The following CSMD1 variants were observed in gnomAD, a reference collection of about 807,000 sequenced individuals.
CSMD1 encodes the protein CUB and Sushi multiple domains 1.
Under a neutral mutation model 417.5 loss-of-function variants are expected in CSMD1, and 213 were observed. The observed-to-expected ratio is 0.51, with a 90% CI of 0.46 to 0.57. The LOEUF is 0.57. CSMD1 is among the 20% of genes least tolerant of loss of function. The pLI is 0.00. For missense variants in CSMD1, 6,923 were observed against 4,529.7 expected (o/e 1.53, Z -15.17); for synonymous variants, 2,862 against 1,736.8 (o/e 1.65, Z -16.11).
At chr8:4,204,830 TA>T (rs1235754422) in intron 3 of CSMD1, among the ~76,000 whole-genome samples, 3 of 135,988 alleles carry the variant, frequency 2.2e-5, no homozygotes, top group Admixed American at 2.2e-4. Flanking sequence ...AACTTTTATT[TA>T]ATTTTTTTTT....
At chr8:4,374,941 T>C (rs1802629957) in intron 3 of CSMD1, among the ~76,000 whole-genome samples, 1 of 89,340 alleles carries the variant, frequency 1.1e-5, no homozygotes, top group Non-Finnish European at 1.9e-5. Context: ...AAAACAATGA[T>C]TAAACAGACA....
chr8:3,998,121 AAAAGCAGAAAG>A lies in CSMD1; in HGVS notation c.611-22_611-12del, dbSNP rs1376936188. 1.3e-6 allele frequency: 2 copies of A among 1,550,078 alleles called. No homozygotes were observed. Among genetic ancestry groups the A allele is most frequent in the Admixed American group, 1.9e-5 (1 of 51,422 alleles). ...CGCAGGCTCCCTCAGCTGCAGGGGC[AAAAGCAGAAAG>A]AAAGCATCACATTTCAGGATGGTTT... is the stretch of plus-strand genomic sequence containing the variant. On this transcript the variant is annotated splice_polypyrimidine_tract_variant and intron_variant, in intron 4 of 69. Coordinates refer to ENST00000635120, the MANE Select transcript of CSMD1 (RefSeq NM_033225.6).
chr8:4,709,210 G>A (rs558703370), intron 1 of CSMD1, among the ~76,000 whole-genome samples: 4 of 152,276 alleles, frequency 2.6e-5, no homozygotes, highest in African/African-American at 7.2e-5. Context: ...GGAATTCCTC[G>A]ATGGTAGAAG....
At chr8:4,811,158 C>G (rs541029198) in intron 1 of CSMD1, among the ~76,000 whole-genome samples, 1 of 152,146 alleles carries the variant, frequency 6.6e-6, no homozygotes, top group Non-Finnish European at 1.5e-5. Context: ...GCTGTAGTGG[C>G]ATCAACCATC....
chr8:4,962,184 TCTG>T lies in CSMD1; in HGVS notation c.85+32145_85+32147del, dbSNP rs1271439737. ...CAAAACAATAATATAAATGTAAATT[TCTG>T]CTTTTTTTTTAAAAAAAAAAGAAAA... On this transcript the variant is annotated intron_variant, in intron 1 of 69. Coordinates refer to ENST00000635120, the MANE Select transcript of CSMD1 (RefSeq NM_033225.6). Among the ~76,000 whole-genome samples the T allele has an allele frequency of 5.5e-5, 7 of 128,074 alleles. No individual in the cohort carries two copies. The East Asian group carries it at 1.3e-3, about 23-fold the overall frequency. The allele number at this position is 128,074 out of a possible 152,430, so 84.0% of individuals were successfully genotyped here.
chr8:4,685,384 G>A (rs1806304119), intron 1 of CSMD1, among the ~76,000 whole-genome samples: 1 of 152,054 alleles, frequency 6.6e-6, no homozygotes. Flanking sequence ...GACCAGCCTG[G>A]CCAACATGGC....
At chr8:3,504,439 G>A (rs1041660635) in intron 10 of CSMD1, among the ~76,000 whole-genome samples, 6 of 152,254 alleles carry the variant, frequency 3.9e-5, no homozygotes, top group African/African-American at 1.4e-4. Flanking sequence ...CAAGCAAGGT[G>A]TGTACTTCTT....
At position 4,008,572 on chromosome 8, in the gene CSMD1, CAT is replaced by C. The variant is rs551497651; in HGVS notation, c.611-10464_611-10463del. 1.5e-3 allele frequency among the ~76,000 whole-genome samples: 221 copies of C among 143,008 alleles called. 1 individual carries two copies. Among genetic ancestry groups the C allele is most frequent in the Non-Finnish European group, 2.9e-3 (191 of 66,030 alleles). The allele number at this position is 143,008 out of a possible 152,430, so 93.8% of individuals were successfully genotyped here. ...TGATTGTTAAAGTTAGCACACAACA[CAT>C]GATTCAGTATTTTCTTTCTTTTTTT... On this transcript the variant is annotated intron_variant, in intron 4 of 69. Transcript: ENST00000635120.
intron 3 of CSMD1, among the ~76,000 whole-genome samples, chr8:4,145,939 T>C (rs1228797932): frequency 6.6e-6 from 1 of 151,000 alleles, no homozygotes; most frequent in Non-Finnish European, 1.5e-5. Context: ...TTTGTAAGAC[T>C]GACCACGCTG....
chr8:3,694,425 T>C (rs1800435475), intron 7 of CSMD1, among the ~76,000 whole-genome samples: 1 of 152,068 alleles, frequency 6.6e-6, no homozygotes, highest in Admixed American at 6.5e-5. Flanking sequence ...AGGGAGTAAC[T>C]GTGTCAGGCA....
intron 5 of CSMD1, among the ~76,000 whole-genome samples, chr8:3,962,263 G>C (rs1256634933): frequency 1.3e-5 from 2 of 152,142 alleles, no homozygotes; most frequent in Non-Finnish European, 2.9e-5. Context: ...GTCATGATGA[G>C]GTTCTTCTGT....
chr8:4,421,810 G>A (rs1216473372), intron 2 of CSMD1, among the ~76,000 whole-genome samples: 1 of 151,174 alleles, frequency 6.6e-6, no homozygotes, highest in Non-Finnish European at 1.5e-5. Flanking sequence ...CAAACAGAAA[G>A]CAAAAAACAA....
intron 9 of CSMD1, among the ~76,000 whole-genome samples, chr8:3,582,574 G>C (rs1353166607): frequency 6.6e-6 from 1 of 152,140 alleles, no homozygotes; most frequent in Non-Finnish European, 1.5e-5. Flanking sequence ...GTCTAAACTT[G>C]CGCTGTCATA....
chr8:4,463,711 C>A (rs934055630), intron 2 of CSMD1, among the ~76,000 whole-genome samples: 5 of 152,016 alleles, frequency 3.3e-5, no homozygotes, highest in African/African-American at 1.2e-4. Context: ...TCCCTAGAGA[C>A]GAAAATAAAT....
chr8:3,068,634 T>C (rs1813112301), intron 49 of CSMD1, among the ~76,000 whole-genome samples: 1 of 152,114 alleles, frequency 6.6e-6, no homozygotes, highest in Admixed American at 6.5e-5. Context: ...GCCTTAGGAA[T>C]CTTTCAAACA....
rs563786865 is a variant in CSMD1 at position 3,679,510 on chromosome 8, T to C, written c.1009+28904A>G. The stretch of plus-strand genomic sequence containing the variant: ...CTATCCTAAATATATATTCACCCAA[T>C]ACAGGAGCACCCAGATTCATAAAGC... On this transcript the variant is annotated intron_variant, in intron 7 of 69. Transcript: ENST00000635120. Among the ~76,000 whole-genome samples, 46 of 152,234 alleles carry C rather than the reference T, an allele frequency of 3.0e-4. 1 individual carries two copies. The highest frequency in any genetic ancestry group is 1.1e-3 in the African/African-American group (46 of 41,546).
intron 1 of CSMD1, among the ~76,000 whole-genome samples, chr8:4,639,556 T>G (rs540630179): frequency 6.6e-6 from 1 of 152,316 alleles, no homozygotes; most frequent in African/African-American, 2.4e-5. Context: ...CCCACTAATG[T>G]GCTTTAAATG....
chr8:4,504,551 G>T (rs10109216), intron 2 of CSMD1, among the ~76,000 whole-genome samples: 1 of 151,912 alleles, frequency 6.6e-6, no homozygotes, highest in Non-Finnish European at 1.5e-5. Flanking sequence ...TGCCATGATG[G>T]TTTGCTGCAC....
At chr8:4,174,644 T>C (rs1427517814) in intron 3 of CSMD1, among the ~76,000 whole-genome samples, 2 of 142,998 alleles carry the variant, frequency 1.4e-5, no homozygotes, top group South Asian at 2.3e-4. Flanking sequence ...CCTGGGAATG[T>C]AGGAATTATA....
Sources: allele counts gnomAD v4.1 joint callset (sites outside exome capture counted in the v4.1 genomes callset), GRCh38; gene constraint gnomAD v4.1.1; transcripts MANE v1.5; gene names NCBI Gene and HGNC (gene_info 2026-07-23, HGNC 2026-07-21).